PICALM: variants seen among roughly 807,000 people sequenced by gnomAD.
PICALM encodes phosphatidylinositol binding clathrin assembly protein, also known as phosphatidylinositol-binding clathrin assembly protein.
PICALM carries 40 observed loss-of-function variants against 80.5 expected under a neutral mutation model. The observed-to-expected ratio is 0.50, with a 90% CI of 0.39 to 0.65. The LOEUF (loss-of-function observed/expected upper bound fraction) is 0.65, where lower values mean the gene tolerates loss of function less well. Among genes scored for constraint, PICALM ranks in the 30% least tolerant of loss-of-function variants. The pLI, the probability that PICALM is intolerant of heterozygous loss-of-function variation, is 0.00. For missense variants in PICALM, 676 were observed against 778.9 expected, an observed-to-expected ratio of 0.87 and a Z score of 1.57; for synonymous variants, 288 against 260.3, an observed-to-expected ratio of 1.11 and a Z score of -1.02.
chr11:86,032,539 T>C (rs1043829911), intron 1 of PICALM, among the ~76,000 whole-genome samples: 2 of 152,032 alleles, frequency 1.3e-5, no homozygotes, highest in African/African-American at 4.8e-5. Context: ...GGCAGGACAA[T>C]TGCTTGAACC....
chr11:86,016,234 C>T (rs892003962), intron 4 of PICALM, among the ~76,000 whole-genome samples: 1 of 152,220 alleles, frequency 6.6e-6, no homozygotes, highest in African/African-American at 2.4e-5. Context: ...ACCAATCCAA[C>T]ACCTTGATGT....
Position 85,996,933 on chromosome 11 carries a change from G to C in PICALM, c.1155-4C>G. On this transcript the variant is annotated splice_region_variant and splice_polypyrimidine_tract_variant and intron_variant, in intron 11 of 19. Transcript: ENST00000393346. ...ATCATTGGGCAGCTTTGATGTGCTA[G>C]AAAGATATTTTGGAAACGTGTTTTA... The C allele has an allele frequency of 6.2e-7, 1 of 1,601,312 alleles. No homozygotes were observed. The highest frequency in any genetic ancestry group is 8.5e-7 in the Non-Finnish European group (1 of 1,171,226).
chr11:86,042,534 G>T (rs189771772), intron 1 of PICALM, among the ~76,000 whole-genome samples: 1 of 151,654 alleles, frequency 6.6e-6, no homozygotes, highest in African/African-American at 2.4e-5. Flanking sequence ...CCCACCTATA[G>T]GAAAGAAAAC....
chr11:85,970,367 C>T (rs2094060530), intron 19 of PICALM, among the ~76,000 whole-genome samples: 1 of 152,160 alleles, frequency 6.6e-6, no homozygotes, highest in African/African-American at 2.4e-5. Flanking sequence ...CAGCAGAACA[C>T]TGGATACTTA....
At chr11:85,997,245 C>T (rs2094996582) in intron 11 of PICALM, among the ~76,000 whole-genome samples, 1 of 152,146 alleles carries the variant, frequency 6.6e-6, no homozygotes, top group Non-Finnish European at 1.5e-5. Flanking sequence ...TTCTAAAATA[C>T]AAAATATCAC....
intron 1 of PICALM, among the ~76,000 whole-genome samples, chr11:86,060,843 G>C (rs1005037802): frequency 6.6e-6 from 1 of 152,008 alleles, no homozygotes; most frequent in African/African-American, 2.4e-5. Flanking sequence ...CTCCCAAATG[G>C]TGACATAGAA....
chr11:86,051,069 T>C (rs931004489), intron 1 of PICALM, among the ~76,000 whole-genome samples: 1 of 152,126 alleles, frequency 6.6e-6, no homozygotes, highest in Non-Finnish European at 1.5e-5. Context: ...CCAATGATAA[T>C]AAGATATGCA....
At chr11:85,987,576 T>C (rs2094612473) in intron 13 of PICALM, among the ~76,000 whole-genome samples, 1 of 152,246 alleles carries the variant, frequency 6.6e-6, no homozygotes, top group South Asian at 2.1e-4. Context: ...GATGACTACA[T>C]AATAATTTAG....
At chr11:85,959,180 C>G (rs967995136) in intron 19 of PICALM, 120 bp from the exon 20 acceptor site, 2 of 568,812 alleles carry the variant, frequency 3.5e-6, no homozygotes, top group East Asian at 2.8e-5. Flanking sequence ...ATGCTTATCA[C>G]AAACCCTGTT....
intron 11 of PICALM, among the ~76,000 whole-genome samples, chr11:85,997,697 T>TTA (rs1478102427): frequency 1.3e-5 from 2 of 152,170 alleles, no homozygotes; most frequent in Non-Finnish European, 2.9e-5. Context: ...TCTCAAACTC[T>TTA]TGACCTCAGG....
In PICALM at chr11:85,974,779, G is replaced by C; in HGVS notation, c.1873C>G (p.Gln625Glu). 3 of 1,613,762 alleles carry C rather than the reference G, an allele frequency of 1.9e-6. No homozygotes were observed. The highest frequency in any genetic ancestry group is 2.5e-6 in the Non-Finnish European group (3 of 1,179,724). The change falls in exon 19 of 20, where the codon CAA becomes GAA. Residue 625 changes from glutamine to glutamate, a missense_variant. Physicochemically the swap from Gln to Glu is conservative, Grantham distance 29 (BLOSUM62 2). Around this residue, in one of 2 missense-constraint regions of PICALM, gnomAD observed 391 missense variants for 383.6 expected, o/e 1.02. Coordinates refer to ENST00000393346, the MANE Select transcript of PICALM (RefSeq NM_007166.4). Reference protein sequence around the residue: ...PQMGSVPVMTQPTLIYSQPVM... With the variant: ...PQMGSVPVMTEPTLIYSQPVM... ...GGCTGGCTGTATATTAAGGTTGGTT[G>C]CGTCATTACAGGAACACTTCCCATT... is the stretch of plus-strand genomic sequence containing the variant.
chr11:85,974,976 G>T (rs1284507849), intron 18 of PICALM, among the ~76,000 whole-genome samples, 164 bp from the exon 19 acceptor site: 2 of 152,114 alleles, frequency 1.3e-5, no homozygotes, highest in East Asian at 3.9e-4. Context: ...ACTTTCGAGA[G>T]TATTTTTTTT....
intron 12 of PICALM, among the ~76,000 whole-genome samples, 153 bp downstream of exon 12, chr11:85,996,673 A>G (rs1288452577): frequency 2.0e-5 from 3 of 152,230 alleles, no homozygotes; most frequent in East Asian, 1.9e-4. Flanking sequence ...ATAAATGAAC[A>G]TACCTTCAAG....
rs1234948272 is a variant in PICALM at position 85,994,811 on chromosome 11, C to CT, written c.1258+2014dup. Among the ~76,000 whole-genome samples, 54 of 152,290 alleles carry CT rather than the reference C, an allele frequency of 3.5e-4. 1 individual carries two copies. The highest frequency in any genetic ancestry group is 1.3e-3 in the African/African-American group (53 of 41,570). On this transcript the variant is annotated intron_variant, in intron 12 of 19. Transcript: ENST00000393346. ...TTCCGCCTCCGGGGTTCAAGTGATT[C>CT]TCATGCCTCGGCCTCCCAAGAAGCT...
chr11:86,054,402 A>G (rs1332977772), intron 1 of PICALM, among the ~76,000 whole-genome samples: 1 of 152,198 alleles, frequency 6.6e-6, no homozygotes, highest in Non-Finnish European at 1.5e-5. Context: ...ATGGCACTGA[A>G]GAGCCCAGAG....
At chr11:85,972,153 A>G (rs2094132671) in intron 19 of PICALM, among the ~76,000 whole-genome samples, 1 of 152,150 alleles carries the variant, frequency 6.6e-6, no homozygotes, top group African/African-American at 2.4e-5. Context: ...AAAAAGCAAA[A>G]CTCATACACA....
At chr11:85,994,617 C>A (rs2135981538) in intron 12 of PICALM, among the ~76,000 whole-genome samples, 1 of 152,284 alleles carries the variant, frequency 6.6e-6, no homozygotes, top group South Asian at 2.1e-4. Flanking sequence ...ATAACAGCAG[C>A]ATTATATGTA....
chr11:86,067,540 T>G lies in PICALM; in HGVS notation c.130+1111A>C, dbSNP rs138071909. Among the ~76,000 whole-genome samples, 4 of 152,340 alleles carry G rather than the reference T, an allele frequency of 2.6e-5. No homozygotes were observed. The East Asian group carries it at 7.7e-4, about 29-fold the overall frequency. On this transcript the variant is annotated intron_variant, in intron 1 of 19. Coordinates refer to ENST00000393346, the MANE Select transcript of PICALM (RefSeq NM_007166.4). Reference sequence around the variant, plus strand: ...TTAGCTCTACTAATTGTATCTACGTTAGCGAATGGACGAATACTATGTCGT... The same window carrying G: ...TTAGCTCTACTAATTGTATCTACGTGAGCGAATGGACGAATACTATGTCGT...
chr11:85,962,682 C>T (rs145068961), intron 19 of PICALM, among the ~76,000 whole-genome samples: 5 of 152,176 alleles, frequency 3.3e-5, no homozygotes, highest in African/African-American at 4.8e-5. Context: ...AACACATACA[C>T]GTCTCATATC....
Sources: allele counts gnomAD v4.1 joint callset (sites outside exome capture counted in the v4.1 genomes callset), GRCh38; gene constraint gnomAD v4.1.1; regional missense constraint gnomAD v4.1.1; transcripts MANE v1.5; gene names NCBI Gene and HGNC (gene_info 2026-07-23, HGNC 2026-07-21).